Variants in BACH2 observed in about 807,000 individuals in gnomAD.
BACH2 encodes the protein BACH transcriptional regulator 2, also known as transcription regulator protein BACH2.
In BACH2, 5 loss-of-function variants were observed where a neutral mutation model predicts 61.8. The ratio of observed to expected loss-of-function variants is 0.08; its 90% CI spans 0.04 to 0.17. BACH2 has a LOEUF of 0.17. BACH2 is among the 10% of genes least tolerant of loss of function. The pLI is 1.00. For synonymous variants in BACH2, 446 were observed against 440.1 expected (o/e 1.01, Z -0.17); for missense variants, 824 against 1,091.1 (o/e 0.76, Z 3.45).
intron 6 of BACH2, among the ~76,000 whole-genome samples, chr6:89,971,820 G>A (rs1482461807): frequency 6.6e-6 from 1 of 152,122 alleles, no homozygotes; most frequent in East Asian, 1.9e-4. Flanking sequence ...ACAGTATGGG[G>A]GAAACCGCCC....
intron 3 of BACH2, among the ~76,000 whole-genome samples, chr6:90,233,940 C>T (rs770511383): frequency 3.3e-5 from 5 of 152,184 alleles, no homozygotes; most frequent in South Asian, 2.1e-4. Context: ...CCCTCACTGT[C>T]GGCATGTTCA....
chr6:90,012,416 G>C (rs1036970966), intron 5 of BACH2, among the ~76,000 whole-genome samples: 17 of 151,730 alleles, frequency 1.1e-4, no homozygotes, highest in Non-Finnish European at 1.9e-4. Context: ...GATAACTTGA[G>C]GTAAGGAGTG....
chr6:90,290,318 T>G (rs547124916), intron 1 of BACH2, among the ~76,000 whole-genome samples: 2 of 152,236 alleles, frequency 1.3e-5, no homozygotes, highest in South Asian at 4.1e-4. Context: ...CAGTGGGTTA[T>G]CTGTTACTAA....
At chr6:89,973,357 G>T (rs1775476871) in intron 6 of BACH2, among the ~76,000 whole-genome samples, 1 of 152,236 alleles carries the variant, frequency 6.6e-6, no homozygotes, top group Admixed American at 6.5e-5. Flanking sequence ...AAAGGCAGGG[G>T]AAAGTTGACT....
intron 4 of BACH2, among the ~76,000 whole-genome samples, chr6:90,122,661 A>C (rs1337716276): frequency 1.3e-5 from 2 of 152,210 alleles, no homozygotes; most frequent in Non-Finnish European, 2.9e-5. Context: ...ATCCCAGGAG[A>C]GCCTGGGCAA....
intron 2 of BACH2, among the ~76,000 whole-genome samples, chr6:90,263,204 G>A (rs1419804348): frequency 6.6e-6 from 1 of 152,134 alleles, no homozygotes; most frequent in Non-Finnish European, 1.5e-5. Flanking sequence ...AAGCACAAGA[G>A]TTTACTGAAA....
intron 2 of BACH2, among the ~76,000 whole-genome samples, chr6:90,253,385 A>C (rs569830775): frequency 6.6e-6 from 1 of 152,238 alleles, no homozygotes; most frequent in Non-Finnish European, 1.5e-5. Flanking sequence ...AACTGGGCAT[A>C]GATAACTTTG....
intron 5 of BACH2, among the ~76,000 whole-genome samples, chr6:90,034,025 A>T (rs576575128): frequency 1.3e-5 from 2 of 152,284 alleles, no homozygotes; most frequent in Admixed American, 1.3e-4. Flanking sequence ...CTGGAAAAGA[A>T]GATTAGACCA....
At chr6:90,254,399 T>C (rs1327857659) in intron 2 of BACH2, among the ~76,000 whole-genome samples, 1 of 152,080 alleles carries the variant, frequency 6.6e-6, no homozygotes. Flanking sequence ...ATGAAGCTGA[T>C]TGATTGGTTG....
At chr6:89,971,745 C>T (rs913601773) in intron 6 of BACH2, among the ~76,000 whole-genome samples, 3 of 152,166 alleles carry the variant, frequency 2.0e-5, no homozygotes, top group African/African-American at 4.8e-5. Context: ...GAATGAGAGC[C>T]AAGCGAACAG....
intron 6 of BACH2, among the ~76,000 whole-genome samples, chr6:89,962,553 T>C (rs1003114922): frequency 1.3e-5 from 2 of 152,202 alleles, no homozygotes; most frequent in African/African-American, 4.8e-5. Flanking sequence ...GTTGTTCGTG[T>C]TTTTCCAGTG....
chr6:90,103,943 C>T (rs907972455), intron 4 of BACH2, among the ~76,000 whole-genome samples: 4 of 152,146 alleles, frequency 2.6e-5, no homozygotes, highest in Non-Finnish European at 5.9e-5. Flanking sequence ...AATTATTGTT[C>T]ACTTTTTGTA....
At chr6:90,255,757 A>C (rs1245870875) in intron 2 of BACH2, among the ~76,000 whole-genome samples, 1 of 152,206 alleles carries the variant, frequency 6.6e-6, no homozygotes, top group Non-Finnish European at 1.5e-5. Context: ...TAAATGGTTC[A>C]TCTGAACAAT....
intron 3 of BACH2, among the ~76,000 whole-genome samples, chr6:90,214,434 C>T (rs1582494091): frequency 6.6e-6 from 1 of 152,072 alleles, no homozygotes; most frequent in East Asian, 1.9e-4. Context: ...AACAGACAGC[C>T]TGATGGGTTA....
chr6:90,234,981 C>T (rs1298111772), intron 3 of BACH2, among the ~76,000 whole-genome samples: 1 of 152,188 alleles, frequency 6.6e-6, no homozygotes, highest in Non-Finnish European at 1.5e-5. Context: ...AAAGTTGCCC[C>T]TCCCCATACC....
intron 1 of BACH2, among the ~76,000 whole-genome samples, chr6:90,273,154 G>A (rs1291190088): frequency 6.6e-6 from 1 of 152,044 alleles, no homozygotes; most frequent in African/African-American, 2.4e-5. Flanking sequence ...GAGGCCAGGT[G>A]TTCAAAACCA....
At chr6:90,081,226 T>C (rs1055394242) in intron 5 of BACH2, among the ~76,000 whole-genome samples, 2 of 152,156 alleles carry the variant, frequency 1.3e-5, no homozygotes, top group South Asian at 4.1e-4. Context: ...AGATCCAATG[T>C]CATAAACAGT....
chr6:90,016,413 G>A (rs1778064577), intron 5 of BACH2, among the ~76,000 whole-genome samples: 1 of 151,782 alleles, frequency 6.6e-6, no homozygotes, highest in Admixed American at 6.6e-5. Context: ...ATGTTGTTTT[G>A]TTATTTCATT....
intron 3 of BACH2, among the ~76,000 whole-genome samples, chr6:90,230,492 T>A (rs1770059680): frequency 6.6e-6 from 1 of 152,218 alleles, no homozygotes; most frequent in South Asian, 2.1e-4. Context: ...GTACTGGTCG[T>A]AGGACAACTT....
Sources: allele counts gnomAD v4.1 joint callset (sites outside exome capture counted in the v4.1 genomes callset), GRCh38; gene constraint gnomAD v4.1.1; transcripts MANE v1.5; gene names NCBI Gene and HGNC (gene_info 2026-07-23, HGNC 2026-07-21).